Variants in EPHA6 observed in about 807,000 individuals in gnomAD.
EPHA6 encodes the protein EPH receptor A6.
EPHA6 carries 50 observed loss-of-function variants against 112.0 expected under a neutral mutation model. That is an observed-to-expected ratio of 0.45 (90% CI 0.36 to 0.56). EPHA6 has a LOEUF of 0.56. Among genes scored for constraint, EPHA6 ranks in the 20% least tolerant of loss-of-function variants. The probability of loss-of-function intolerance (pLI) is 0.00; values close to 1 mark genes in which losing one functional copy is unlikely to be tolerated. For missense variants in EPHA6, 1,280 were observed against 1,417.4 expected, an observed-to-expected ratio of 0.90 and a Z score of 1.56; for synonymous variants, 529 against 490.7, an observed-to-expected ratio of 1.08 and a Z score of -1.03.
intron 10 of EPHA6, 36 bp downstream of exon 10, chr3:97,484,095 C>A: frequency 1.3e-6 from 2 of 1,562,324 alleles, no homozygotes; most frequent in South Asian, 1.2e-5. Flanking sequence ...ACAAAACATT[C>A]CTTAATTTCT....
At chr3:97,173,396 G>A (rs1206600553) in intron 3 of EPHA6, among the ~76,000 whole-genome samples, 3 of 151,756 alleles carry the variant, frequency 2.0e-5, no homozygotes, top group East Asian at 3.9e-4. Context: ...ATTTTATGAA[G>A]TATATATGTA....
intron 2 of EPHA6, among the ~76,000 whole-genome samples, chr3:96,928,568 GC>G (rs2107649228): frequency 6.6e-6 from 1 of 152,260 alleles, no homozygotes; most frequent in South Asian, 2.1e-4. Flanking sequence ...TAAGTGCCGT[GC>G]GGTGATGAGA....
intron 2 of EPHA6, among the ~76,000 whole-genome samples, chr3:96,876,637 C>G (rs913422610): frequency 2.0e-5 from 3 of 152,032 alleles, no homozygotes; most frequent in Non-Finnish European, 2.9e-5. Context: ...TTTAACATTC[C>G]CTGATCTTCA....
chr3:97,304,530 C>G (rs982453797), intron 5 of EPHA6, among the ~76,000 whole-genome samples: 4 of 152,042 alleles, frequency 2.6e-5, no homozygotes, highest in Non-Finnish European at 5.9e-5. Flanking sequence ...CAGCATGGTA[C>G]TGGCACAAAA....
intron 5 of EPHA6, among the ~76,000 whole-genome samples, chr3:97,295,044 G>A (rs2080827281): frequency 6.6e-6 from 1 of 152,098 alleles, no homozygotes; most frequent in Admixed American, 6.6e-5. Flanking sequence ...TGACTATAAT[G>A]TATCATGTAG....
intron 2 of EPHA6, among the ~76,000 whole-genome samples, chr3:96,955,022 T>A (rs1308036589): frequency 6.6e-6 from 1 of 152,046 alleles, no homozygotes. Flanking sequence ...ATTAATGAGC[T>A]ACATTAACAT....
chr3:97,430,164 G>T (rs1011901547), intron 6 of EPHA6, among the ~76,000 whole-genome samples: 4 of 152,024 alleles, frequency 2.6e-5, no homozygotes, highest in Admixed American at 6.6e-5. Context: ...GGCACAGTAG[G>T]TATATTACAT....
chr3:97,052,528 A>G (rs1196810621), intron 3 of EPHA6, among the ~76,000 whole-genome samples: 1 of 152,140 alleles, frequency 6.6e-6, no homozygotes, highest in Non-Finnish European at 1.5e-5. Context: ...TCGCCACTCA[A>G]TATTTGTTGA....
chr3:97,740,758 T>C (rs751368866), intron 16 of EPHA6, among the ~76,000 whole-genome samples: 1 of 152,162 alleles, frequency 6.6e-6, no homozygotes, highest in Non-Finnish European at 1.5e-5. Context: ...CTGAATACAA[T>C]AACTTCCAAC....
chr3:96,826,514 C>A (rs972724375), intron 1 of EPHA6, among the ~76,000 whole-genome samples: 3 of 152,008 alleles, frequency 2.0e-5, no homozygotes, highest in African/African-American at 7.2e-5. Flanking sequence ...CTAAGATTAT[C>A]CTGTTCAGTG....
At position 97,696,989 on chromosome 3, in the gene EPHA6, A is replaced by C. The variant is rs180857601; in HGVS notation, c.2785-23272A>C. On this transcript the variant is annotated intron_variant, in intron 14 of 17. Coordinates refer to ENST00000389672, the MANE Select transcript of EPHA6 (RefSeq NM_001080448.3). ...TAAAACTAGCAAAATATGGTTGTTC[A>C]TCATTAGAACAGGTATTAATCAGTC... Among the ~76,000 whole-genome samples the C allele has an allele frequency of 4.1e-4, 62 of 152,318 alleles. No homozygotes were observed. In the East Asian group the frequency reaches 0.012, roughly 28 times the overall value.
At chr3:97,125,999 A>G (rs553045304) in intron 3 of EPHA6, among the ~76,000 whole-genome samples, 3 of 152,356 alleles carry the variant, frequency 2.0e-5, no homozygotes, top group South Asian at 4.1e-4. Flanking sequence ...AATAGATTAC[A>G]AAATGAGACT....
At chr3:97,656,252 C>T (rs1038683060) in intron 14 of EPHA6, among the ~76,000 whole-genome samples, 9 of 151,862 alleles carry the variant, frequency 5.9e-5, no homozygotes, top group African/African-American at 2.2e-4. Flanking sequence ...GGCTGGAGGT[C>T]ACTTCACTAG....
At chr3:97,677,883 G>A (rs562559383) in intron 14 of EPHA6, among the ~76,000 whole-genome samples, 1 of 152,170 alleles carries the variant, frequency 6.6e-6, no homozygotes, top group South Asian at 2.1e-4. Flanking sequence ...TAAAAGAACT[G>A]TAATTAAACA....
chr3:97,708,326 T>C (rs987956791), intron 14 of EPHA6, among the ~76,000 whole-genome samples: 6 of 152,306 alleles, frequency 3.9e-5, no homozygotes, highest in African/African-American at 1.4e-4. Flanking sequence ...ACCCTAGAGA[T>C]CTGTGAAACT....
intron 12 of EPHA6, among the ~76,000 whole-genome samples, chr3:97,610,226 C>A (rs967965067): frequency 2.0e-5 from 3 of 151,598 alleles, no homozygotes; most frequent in Non-Finnish European, 4.4e-5. Context: ...ATCCTACAAG[C>A]TCTGTAGCAT....
chr3:97,403,916 C>T (rs1337433712), intron 5 of EPHA6, among the ~76,000 whole-genome samples: 1 of 152,110 alleles, frequency 6.6e-6, no homozygotes, highest in Non-Finnish European at 1.5e-5. Flanking sequence ...TTTATCCTTA[C>T]AGCTTTTTTA....
chr3:97,291,815 A>T (rs192257820), intron 5 of EPHA6, among the ~76,000 whole-genome samples: 10 of 152,158 alleles, frequency 6.6e-5, no homozygotes, highest in Non-Finnish European at 1.5e-4. Context: ...TTTATCTTAC[A>T]TAAGTGTCAT....
intron 3 of EPHA6, among the ~76,000 whole-genome samples, chr3:97,146,659 T>A (rs754284905): frequency 6.6e-6 from 1 of 151,982 alleles, no homozygotes; most frequent in Non-Finnish European, 1.5e-5. Context: ...CTCTTCTTTT[T>A]AAAAAATTTT....
Sources: allele counts gnomAD v4.1 joint callset (sites outside exome capture counted in the v4.1 genomes callset), GRCh38; gene constraint gnomAD v4.1.1; transcripts MANE v1.5; gene names NCBI Gene and HGNC (gene_info 2026-07-23, HGNC 2026-07-21).